The following CLMP variants were observed in gnomAD, a reference collection of about 807,000 sequenced individuals.
CLMP encodes the protein CXADR-like membrane protein.
A neutral mutation model predicts 45.2 loss-of-function variants in CLMP; 27 were observed. The ratio of observed to expected loss-of-function variants is 0.60; its 90% CI spans 0.44 to 0.82. The LOEUF is 0.82. CLMP is among the 40% of genes least tolerant of loss of function. The probability of loss-of-function intolerance (pLI) is 0.00; values close to 1 mark genes in which losing one functional copy is unlikely to be tolerated. For missense variants in CLMP, 403 were observed against 448.4 expected (o/e 0.90, Z 0.91); for synonymous variants, 167 against 171.4 (o/e 0.97, Z 0.20).
intron 1 of CLMP, among the ~76,000 whole-genome samples, chr11:123,157,008 C>G (rs575331181): frequency 5.2e-4 from 79 of 152,258 alleles, no homozygotes; most frequent in Non-Finnish European, 9.7e-4. Flanking sequence ...ACATTTACTC[C>G]CAGGAAAACA....
intron 2 of CLMP, among the ~76,000 whole-genome samples, chr11:123,091,888 GT>G (rs1364172655): frequency 6.6e-6 from 1 of 152,098 alleles, no homozygotes; most frequent in Non-Finnish European, 1.5e-5. Context: ...GCTTCTGAAG[GT>G]TACACCTATG....
intron 1 of CLMP, among the ~76,000 whole-genome samples, chr11:123,140,393 A>C (rs1861137408): frequency 6.6e-6 from 1 of 152,152 alleles, no homozygotes; most frequent in South Asian, 2.1e-4. Context: ...GGTGAACAGG[A>C]ATGAAAGGTG....
intron 5 of CLMP, among the ~76,000 whole-genome samples, chr11:123,076,520 T>C (rs1166020138): frequency 1.3e-5 from 2 of 152,200 alleles, no homozygotes; most frequent in East Asian, 1.9e-4. Context: ...GGGATACCAC[T>C]TAAGTTTGGG....
chr11:123,141,608 T>A (rs78837657), intron 1 of CLMP, among the ~76,000 whole-genome samples: 1 of 152,158 alleles, frequency 6.6e-6, no homozygotes, highest in Non-Finnish European at 1.5e-5. Context: ...TGCCGTCACC[T>A]GAGAACCACT....
At chr11:123,118,918 A>ATTTTCTTTTC (rs1191529818) in intron 1 of CLMP, among the ~76,000 whole-genome samples, 5 of 130,464 alleles carry the variant, frequency 3.8e-5, no homozygotes, top group Admixed American at 1.6e-4. Flanking sequence ...TGATCTTTGC[A>ATTTTCTTTTC]TTTTCTTTTC....
At chr11:123,097,761 A>C (rs764138366) in intron 2 of CLMP, 34 bp downstream of exon 2, 3 of 1,495,688 alleles carry the variant, frequency 2.0e-6, no homozygotes, top group Non-Finnish European at 1.8e-6. Context: ...GGAGGACAAG[A>C]AGGAGGAGGG....
At chr11:123,150,477 A>AAG (rs762196734) in intron 1 of CLMP, among the ~76,000 whole-genome samples, 1 of 105,622 alleles carries the variant, frequency 9.5e-6, no homozygotes, top group Non-Finnish European at 2.1e-5. Flanking sequence ...GAAAGAAAGA[A>AAG]AGAAAGGAAG....
At chr11:123,118,959 T>C (rs182903843) in intron 1 of CLMP, among the ~76,000 whole-genome samples, 57 of 37,860 alleles carry the variant, frequency 1.5e-3, no homozygotes, top group South Asian at 4.0e-3. Context: ...CTTTCTTTCT[T>C]TCTTTCTTTC....
chr11:123,136,085 T>G (rs997367984), intron 1 of CLMP: 3 of 608,996 alleles, frequency 4.9e-6, no homozygotes, highest in South Asian at 4.2e-5. Flanking sequence ...CTTTTTCAAC[T>G]CTCTTCCAGT....
At chr11:123,104,197 G>T (rs1262787664) in intron 1 of CLMP, among the ~76,000 whole-genome samples, 1 of 137,272 alleles carries the variant, frequency 7.3e-6, no homozygotes, top group African/African-American at 2.8e-5. Flanking sequence ...GTGCAGTGCT[G>T]TGATCTCGGG....
intron 1 of CLMP, among the ~76,000 whole-genome samples, chr11:123,146,207 T>C (rs970259538): frequency 2.0e-5 from 3 of 152,196 alleles, no homozygotes; most frequent in African/African-American, 7.2e-5. Context: ...TCTGTCAGAT[T>C]AGCCATTCAA....
intron 1 of CLMP, among the ~76,000 whole-genome samples, chr11:123,163,512 G>T (rs1416558435): frequency 2.6e-5 from 4 of 152,146 alleles, no homozygotes; most frequent in African/African-American, 9.7e-5. Flanking sequence ...TGTAATCTAT[G>T]GCTTGCTACT....
At chr11:123,175,783 A>G (rs975108942) in intron 1 of CLMP, among the ~76,000 whole-genome samples, 1 of 152,226 alleles carries the variant, frequency 6.6e-6, no homozygotes, top group African/African-American at 2.4e-5. Context: ...ACTTGAGAGG[A>G]AGATGTTTGT....
intron 1 of CLMP, among the ~76,000 whole-genome samples, chr11:123,129,439 T>C (rs1860952019): frequency 2.1e-5 from 3 of 140,414 alleles, no homozygotes. Context: ...ATATATATCA[T>C]ATGATATATT....
intron 1 of CLMP, among the ~76,000 whole-genome samples, chr11:123,150,242 A>T (rs998024174): frequency 4.0e-5 from 6 of 150,930 alleles, no homozygotes; most frequent in Non-Finnish European, 7.4e-5. Flanking sequence ...GGATTAGATC[A>T]TAGAGGGCTG....
Position 123,165,339 on chromosome 11 carries a change from C to T in CLMP, c.28+29574G>A, listed in dbSNP as rs75870190. Among the ~76,000 whole-genome samples the T allele has an allele frequency of 1.1e-4, 16 of 152,278 alleles. No homozygotes were observed. In the East Asian group the frequency reaches 3.1e-3, roughly 29 times the overall value. ...CTAAAACCTTGAGCAATTTACTTGA[C>T]CTATTACAACTTTAGCTTCATTCAT... is the stretch of plus-strand genomic sequence containing the variant. On this transcript the variant is annotated intron_variant, in intron 1 of 6. Transcript: ENST00000448775.
intron 1 of CLMP, among the ~76,000 whole-genome samples, chr11:123,175,038 T>C (rs7105425): frequency 0.65 from 98,786 of 152,024 alleles, 33,000 homozygotes; most frequent in African/African-American, 0.8. Context: ...GGTGCAGCCT[T>C]AAACTCCTGA....
Position 123,180,103 on chromosome 11 carries a change from C to T in CLMP, c.28+14810G>A, listed in dbSNP as rs1861749710. 2.0e-5 allele frequency among the ~76,000 whole-genome samples: 3 copies of T among 152,226 alleles called. No individual in the cohort carries two copies. In the South Asian group the frequency reaches 6.2e-4, roughly 32 times the overall value. On this transcript the variant is annotated intron_variant, in intron 1 of 6. Transcript: ENST00000448775. ...AAGTCAGACTGCCTGGATTCAAATTCAGGCTTCATTGCTTACCAGCTGTGT... is the reference window on the plus strand; with the variant it reads ...AAGTCAGACTGCCTGGATTCAAATTTAGGCTTCATTGCTTACCAGCTGTGT...
chr11:123,171,335 T>C (rs925319742), intron 1 of CLMP, among the ~76,000 whole-genome samples: 3 of 151,672 alleles, frequency 2.0e-5, no homozygotes, highest in Non-Finnish European at 4.4e-5. Context: ...TCCCTTAGAG[T>C]CCACAGAAGG....
Sources: allele counts gnomAD v4.1 joint callset (sites outside exome capture counted in the v4.1 genomes callset), GRCh38; gene constraint gnomAD v4.1.1; transcripts MANE v1.5; gene names NCBI Gene and HGNC (gene_info 2026-07-23, HGNC 2026-07-21).